RPH3A: variants seen among roughly 807,000 people sequenced by gnomAD.
The protein encoded by RPH3A is rabphilin-3A.
RPH3A carries 48 observed loss-of-function variants against 102.2 expected under a neutral mutation model. The ratio of observed to expected loss-of-function variants is 0.47; its 90% CI spans 0.37 to 0.60. The LOEUF (loss-of-function observed/expected upper bound fraction) is 0.60. RPH3A is among the 20% of genes least tolerant of loss of function. The pLI is 0.00. For synonymous variants in RPH3A, 310 were observed against 324.3 expected, an observed-to-expected ratio of 0.96 and a Z score of 0.47; for missense variants, 781 against 910.1, an observed-to-expected ratio of 0.86 and a Z score of 1.83.
At chr12:112,763,707 T>C (rs1376172037) in intron 1 of RPH3A, among the ~76,000 whole-genome samples, 1 of 152,202 alleles carries the variant, frequency 6.6e-6, no homozygotes, top group Non-Finnish European at 1.5e-5. Flanking sequence ...ATGTCTGTGT[T>C]GGTCAGCTGT....
chr12:112,575,428 C>G lies in RPH3A; in HGVS notation c.-140+109C>G, dbSNP rs1052014231. On this transcript the variant is annotated intron_variant, in intron 1 of 21. Transcript: ENST00000543106. Reference sequence around the variant, plus strand: ...CGTGGGGGCGCGGCCGGACGCGGGACGCTGCCTCCGGGAATGGGGCTGCTG... The same window carrying G: ...CGTGGGGGCGCGGCCGGACGCGGGAGGCTGCCTCCGGGAATGGGGCTGCTG... 4.1e-5 allele frequency: 6 copies of G among 147,804 alleles called. No homozygotes were observed. The Admixed American group carries it at 4.1e-4, about 10-fold the overall frequency. 9.2% of individuals were successfully genotyped at this position (147,804 alleles called of 1,614,324 possible). A position where few individuals can be genotyped will look rare whatever the true frequency, so the allele number is the denominator to read the frequency against.
chr12:112,877,421 C>T (rs1203006493), intron 13 of RPH3A, among the ~76,000 whole-genome samples: 5 of 30,786 alleles, frequency 1.6e-4, no homozygotes, highest in Non-Finnish European at 4.9e-4. Context: ...CACACGTATA[C>T]ACACACACAC....
At chr12:112,641,812 C>T (rs2039892625) in intron 1 of RPH3A, among the ~76,000 whole-genome samples, 1 of 152,144 alleles carries the variant, frequency 6.6e-6, no homozygotes, top group Non-Finnish European at 1.5e-5. Context: ...AGAAGTGTAG[C>T]TTCTTTCCTT....
intron 1 of RPH3A, among the ~76,000 whole-genome samples, chr12:112,711,837 T>C (rs997727683): frequency 6.6e-6 from 1 of 152,162 alleles, no homozygotes; most frequent in Non-Finnish European, 1.5e-5. Flanking sequence ...CTGTACAATT[T>C]TTTTCTTTTT....
chr12:112,831,373 A>G (rs2041967720), intron 3 of RPH3A, among the ~76,000 whole-genome samples: 2 of 152,098 alleles, frequency 1.3e-5, no homozygotes, highest in Non-Finnish European at 2.9e-5. Context: ...GTTACTATTC[A>G]TAACTAATCA....
chr12:112,853,111 T>C (rs980406898), intron 5 of RPH3A, among the ~76,000 whole-genome samples: 2 of 152,202 alleles, frequency 1.3e-5, no homozygotes, highest in Admixed American at 6.5e-5. Flanking sequence ...CCCCTGTGTT[T>C]TTGGCATATA....
chr12:112,841,173 T>TAAAAAA (rs11447068), intron 4 of RPH3A, among the ~76,000 whole-genome samples: 23 of 33,352 alleles, frequency 6.9e-4, no homozygotes, highest in Admixed American at 1.5e-3. Flanking sequence ...CCTTGTTTCT[T>TAAAAAA]AAAAAAAAAA....
chr12:112,605,634 T>G (rs1027351335), intron 1 of RPH3A, among the ~76,000 whole-genome samples: 4 of 152,194 alleles, frequency 2.6e-5, no homozygotes, highest in African/African-American at 9.6e-5. Context: ...CTGCAAGCCT[T>G]TTTATTTAGA....
chr12:112,880,389 C>T (rs146893900), intron 14 of RPH3A, among the ~76,000 whole-genome samples: 2 of 152,174 alleles, frequency 1.3e-5, no homozygotes, highest in Admixed American at 6.5e-5. Context: ...AGTGCATATA[C>T]ATTATTTTGT....
At chr12:112,636,753 C>A (rs41361349) in intron 1 of RPH3A, among the ~76,000 whole-genome samples, 1,934 of 152,202 alleles carry the variant, frequency 0.013, 43 homozygotes, top group South Asian at 0.068. Context: ...TGAGATAGAC[C>A]TCAATTTGCC....
intron 1 of RPH3A, among the ~76,000 whole-genome samples, chr12:112,664,800 G>T (rs1014386400): frequency 6.6e-6 from 1 of 152,080 alleles, no homozygotes; most frequent in Non-Finnish European, 1.5e-5. Flanking sequence ...CCACGACCCC[G>T]TGTCTTCTAT....
chr12:112,824,184 C>T (rs1320626373), intron 2 of RPH3A, among the ~76,000 whole-genome samples: 1 of 152,242 alleles, frequency 6.6e-6, no homozygotes, highest in Non-Finnish European at 1.5e-5. Context: ...AGTCTGGCCT[C>T]AGCCCAATCC....
intron 1 of RPH3A, among the ~76,000 whole-genome samples, chr12:112,648,739 G>A (rs1360760774): frequency 2.0e-5 from 2 of 97,642 alleles, no homozygotes; most frequent in African/African-American, 4.2e-5. Flanking sequence ...AGCAAGACAC[G>A]GTCTCAAAAA....
intron 17 of RPH3A, among the ~76,000 whole-genome samples, chr12:112,889,415 G>A (rs2043055277): frequency 6.6e-6 from 1 of 152,246 alleles, no homozygotes. Flanking sequence ...AGCAGCCGCA[G>A]AACACTACTG....
intron 11 of RPH3A, 51 bp from the exon 12 acceptor site, chr12:112,875,628 A>G: frequency 6.6e-7 from 1 of 1,506,770 alleles, no homozygotes; most frequent in Non-Finnish European, 9.2e-7. Context: ...GAACCCCCAA[A>G]TGATGCCACC....
chr12:112,877,264 C>G (rs2042818792), intron 13 of RPH3A, among the ~76,000 whole-genome samples: 2 of 152,122 alleles, frequency 1.3e-5, no homozygotes, highest in African/African-American at 2.4e-5. Flanking sequence ...TTTTAAAACT[C>G]TTTAATGTAT....
chr12:112,800,201 C>A (rs569532886), intron 2 of RPH3A, among the ~76,000 whole-genome samples: 1 of 152,002 alleles, frequency 6.6e-6, no homozygotes, highest in Non-Finnish European at 1.5e-5. Context: ...GAGGGAGGGG[C>A]GAGACTAACT....
At chr12:112,613,034 G>A (rs1478095597) in intron 1 of RPH3A, among the ~76,000 whole-genome samples, 2 of 151,976 alleles carry the variant, frequency 1.3e-5, no homozygotes, top group Non-Finnish European at 2.9e-5. Context: ...TGTCTAATGA[G>A]CTCTAGTTCT....
chr12:112,661,788 G>T (rs1437303724), intron 1 of RPH3A, among the ~76,000 whole-genome samples: 1 of 151,594 alleles, frequency 6.6e-6, no homozygotes, highest in Non-Finnish European at 1.5e-5. Context: ...AAGTGATTTT[G>T]GAAGCACTTC....
Sources: gnomAD v4.1 joint callset for allele counts (sites outside exome capture counted in the v4.1 genomes callset) on GRCh38, gnomAD v4.1.1 for gene constraint, MANE v1.5 for transcripts, NCBI Gene and HGNC (gene_info 2026-07-23, HGNC 2026-07-21) for gene names.